Variants in CHL1 observed in about 807,000 individuals in gnomAD.
CHL1 encodes neural cell adhesion molecule L1-like protein.
In CHL1, 96 loss-of-function variants were observed where a neutral mutation model predicts 141.9. That is an observed-to-expected ratio of 0.68 (90% CI 0.57 to 0.80). The LOEUF (loss-of-function observed/expected upper bound fraction) is 0.80. CHL1 is among the 30% of genes least tolerant of loss of function. CHL1 has a pLI of 0.00. For missense variants in CHL1, 1,820 were observed against 1,457.2 expected (o/e 1.25, Z -4.05); for synonymous variants, 613 against 502.2 (o/e 1.22, Z -2.95).
chr3:268,885 A>T (rs1695392709), intron 2 of CHL1, among the ~76,000 whole-genome samples: 1 of 152,234 alleles, frequency 6.6e-6, no homozygotes, highest in South Asian at 2.1e-4. Context: ...TTAAAGGCAG[A>T]GCTCAATCAG....
chr3:389,410 G>GTT lies in CHL1; in HGVS notation c.2406_2407insTT (p.Ala803LeufsTer6). ...ATGCCCCTTATGATGTCAAGGTCCAGGCTATCAATCAACTAGGATCTGGGC... is the reference window on the plus strand; with the variant it reads ...ATGCCCCTTATGATGTCAAGGTCCAGTTGCTATCAATCAACTAGGATCTGGGC... On this transcript the variant is annotated frameshift_variant, in exon 20 of 28. Transcript: ENST00000256509. LOFTEE classifies it high-confidence loss of function. The GTT allele has an allele frequency of 6.2e-7, 1 of 1,614,208 alleles. No homozygotes were observed. The highest frequency in any genetic ancestry group is 8.5e-7 in the Non-Finnish European group (1 of 1,180,042).
At chr3:365,226 A>G (rs1475406855) in intron 14 of CHL1, among the ~76,000 whole-genome samples, 1 of 152,252 alleles carries the variant, frequency 6.6e-6, no homozygotes, top group African/African-American at 2.4e-5. Flanking sequence ...GGCATTAAAG[A>G]GTAAGGATTG....
intron 19 of CHL1, chr3:385,660 T>C (rs1316303465): frequency 1.3e-5 from 2 of 151,874 alleles, no homozygotes; most frequent in Non-Finnish European, 2.9e-5. Context: ...AAACTGCATC[T>C]CTACTAAAAA....
chr3:377,840 T>C lies in CHL1; in HGVS notation c.1774T>C (p.Leu592=). 6.2e-7 allele frequency: 1 copy of C among 1,609,290 alleles called. No homozygotes were observed. Among genetic ancestry groups the C allele is most frequent in the Non-Finnish European group, 8.5e-7 (1 of 1,176,038 alleles). ...TAGGATAATTATTGATGGAGCTAAT[T>C]TGACCATATCTAATGTAACTTTAGA... The part of the protein sequence containing the change: ...DGRIIIDGAN[L]TISNVTLEDQ... The change falls in exon 16 of 28, where the codon TTG becomes CTG. Residue 592 remains leucine (L), a synonymous_variant. Transcript: ENST00000256509.
rs116813612 is a variant in CHL1 at position 344,762 on chromosome 3, T to A, written c.848+53T>A. The A allele has an allele frequency of 5.0e-4, 787 of 1,569,876 alleles. 6 individuals are homozygous for A. In the African/African-American group the frequency reaches 9.4e-3, roughly 19 times the overall value. On this transcript the variant is annotated intron_variant, in intron 9 of 27. Transcript: ENST00000256509. ...TTTGTCCATCCAGTTCTGTAAAGAA[T>A]AAGACATCAAGCACATTAAGACTGT...
intron 2 of CHL1, among the ~76,000 whole-genome samples, chr3:305,048 C>T (rs1699105919): frequency 6.6e-6 from 1 of 152,044 alleles, no homozygotes; most frequent in Admixed American, 6.6e-5. Context: ...ATGTTGAATT[C>T]AAATTGCATG....
At chr3:230,990 G>T (rs1024357683) in intron 1 of CHL1, among the ~76,000 whole-genome samples, 1 of 152,138 alleles carries the variant, frequency 6.6e-6, no homozygotes, top group Admixed American at 6.5e-5. Context: ...GCTCACATGT[G>T]TTTGTGATCC....
rs776046049 is a variant in CHL1, at chr3:344,573, C to A, written c.728-16C>A. 3 of 1,590,772 alleles carry A rather than the reference C, an allele frequency of 1.9e-6. No individual in the cohort carries two copies. Among genetic ancestry groups the A allele is most frequent in the South Asian group, 1.1e-5 (1 of 86,982 alleles). ...TTAATTTGAAAAAATTCTGACTTTT[C>A]TTTTCTATTTTGTAGCAAATTCCAT... is the stretch of plus-strand genomic sequence containing the variant. On this transcript the variant is annotated splice_polypyrimidine_tract_variant and intron_variant, in intron 8 of 27. Transcript: ENST00000256509.
intron 11 of CHL1, among the ~76,000 whole-genome samples, chr3:356,322 A>T (rs1703713924): frequency 6.6e-6 from 1 of 152,256 alleles, no homozygotes; most frequent in Non-Finnish European, 1.5e-5. Flanking sequence ...TGTTTACAAA[A>T]GACATTCACA....
At chr3:204,922 C>T (rs989074375) in intron 1 of CHL1, among the ~76,000 whole-genome samples, 1 of 152,034 alleles carries the variant, frequency 6.6e-6, no homozygotes, top group African/African-American at 2.4e-5. Flanking sequence ...AGGTTGTTAG[C>T]CCATTTTATA....
At position 394,600 on chromosome 3, in the gene CHL1, C is replaced by G. The variant is rs772377194; in HGVS notation, c.2915-93C>G. On this transcript the variant is annotated intron_variant, in intron 23 of 27. Transcript: ENST00000256509. ...GTTATGAATCATTAATGTATCTTTA[C>G]GTACCACAAGCATAAGGAGAAATGA... is the stretch of plus-strand genomic sequence containing the variant. The G allele has an allele frequency of 1.4e-5, 12 of 877,718 alleles. No individual in the cohort carries two copies. In the South Asian group the frequency reaches 2.0e-4, roughly 15 times the overall value. The allele number at this position is 877,718 out of a possible 1,614,324, so 54.4% of individuals were successfully genotyped here. A position where few individuals can be genotyped will look rare whatever the true frequency, so the allele number is the denominator to read the frequency against.
chr3:257,334 C>T (rs899251643), intron 2 of CHL1, among the ~76,000 whole-genome samples: 59 of 150,508 alleles, frequency 3.9e-4, no homozygotes, highest in African/African-American at 1.3e-3. Context: ...ACACCATCTC[C>T]TTTTCTTCTT....
intron 2 of CHL1, among the ~76,000 whole-genome samples, chr3:255,150 C>G (rs1694038454): frequency 6.6e-6 from 1 of 152,174 alleles, no homozygotes; most frequent in African/African-American, 2.4e-5. Flanking sequence ...TCTTAACCTG[C>G]TCACTGGTTT....
At chr3:237,122 C>G (rs1250281016) in intron 1 of CHL1, among the ~76,000 whole-genome samples, 1 of 152,188 alleles carries the variant, frequency 6.6e-6, no homozygotes, top group Non-Finnish European at 1.5e-5. Flanking sequence ...TAAATCTTAT[C>G]TCAAATTGTA....
At chr3:255,004 A>G (rs1469553599) in intron 2 of CHL1, among the ~76,000 whole-genome samples, 1 of 152,216 alleles carries the variant, frequency 6.6e-6, no homozygotes, top group Non-Finnish European at 1.5e-5. Flanking sequence ...CTCAGATACC[A>G]GGATTTGCCT....
intron 20 of CHL1, among the ~76,000 whole-genome samples, chr3:389,931 T>C (rs1024401371): frequency 5.3e-5 from 8 of 152,202 alleles, no homozygotes; most frequent in African/African-American, 1.9e-4. Flanking sequence ...TAGAATTATA[T>C]GCACACACAC....
chr3:351,140 G>A (rs1703219920), intron 10 of CHL1, among the ~76,000 whole-genome samples: 1 of 152,110 alleles, frequency 6.6e-6, no homozygotes, highest in Non-Finnish European at 1.5e-5. Context: ...CAGTTTTCTT[G>A]ACTATAAAAC....
intron 26 of CHL1, among the ~76,000 whole-genome samples, chr3:400,492 T>A (rs1341208181): frequency 6.6e-6 from 1 of 151,618 alleles, no homozygotes; most frequent in African/African-American, 2.4e-5. Context: ...AAAAAAAAAA[T>A]TAGCATTTCA....
intron 5 of CHL1, among the ~76,000 whole-genome samples, chr3:329,614 G>T (rs1418643791): frequency 6.6e-6 from 1 of 151,670 alleles, no homozygotes; most frequent in South Asian, 2.1e-4. Context: ...GAAAGAAAAA[G>T]AGATAGAAAT....
Sources: allele counts gnomAD v4.1 joint callset (sites outside exome capture counted in the v4.1 genomes callset), GRCh38; gene constraint gnomAD v4.1.1; transcripts MANE v1.5; gene names NCBI Gene and HGNC (gene_info 2026-07-23, HGNC 2026-07-21).